SLC16A10: variants seen among roughly 807,000 people sequenced by gnomAD.
SLC16A10 encodes solute carrier family 16 member 10.
SLC16A10 carries 27 observed loss-of-function variants against 40.0 expected under a neutral mutation model. The ratio of observed to expected loss-of-function variants is 0.67; its 90% confidence interval spans 0.50 to 0.93. The LOEUF is 0.93. Ranked by LOEUF, SLC16A10 falls within the 40% of genes least tolerant of loss-of-function variation. The probability of loss-of-function intolerance (pLI) is 0.00; values close to 1 mark genes in which losing one functional copy is unlikely to be tolerated. For missense variants in SLC16A10, 529 were observed against 658.2 expected, an observed-to-expected ratio of 0.80 and a Z score of 2.15; for synonymous variants, 213 against 249.8, an observed-to-expected ratio of 0.85 and a Z score of 1.39.
intron 1 of SLC16A10, among the ~76,000 whole-genome samples, chr6:111,120,689 G>A (rs781361140): frequency 7.9e-5 from 12 of 152,180 alleles, no homozygotes; most frequent in Non-Finnish European, 1.3e-4. Context: ...CTTATACCAT[G>A]AGCCAGCAGA....
At chr6:111,211,738 C>T (rs1332676076) in intron 4 of SLC16A10, among the ~76,000 whole-genome samples, 2 of 152,230 alleles carry the variant, frequency 1.3e-5, no homozygotes, top group African/African-American at 4.8e-5. Context: ...TACCTCCTCT[C>T]TCTCCTTTTT....
At chr6:111,192,206 T>C (rs1050327644) in intron 3 of SLC16A10, among the ~76,000 whole-genome samples, 1 of 152,178 alleles carries the variant, frequency 6.6e-6, no homozygotes, top group African/African-American at 2.4e-5. Context: ...TCTTGAACAC[T>C]TTGCTGCTTA....
intron 1 of SLC16A10, among the ~76,000 whole-genome samples, chr6:111,139,737 G>C (rs533756223): frequency 6.6e-6 from 1 of 152,270 alleles, no homozygotes; most frequent in East Asian, 1.9e-4. Flanking sequence ...GAACATTCAC[G>C]TGCATGTGTC....
intron 1 of SLC16A10, among the ~76,000 whole-genome samples, chr6:111,123,904 CTTCTT>C (rs1771625813): frequency 6.6e-6 from 1 of 152,128 alleles, no homozygotes; most frequent in African/African-American, 2.4e-5. Context: ...CCTCTCCCCT[CTTCTT>C]TTCCTTTTAA....
intron 4 of SLC16A10, among the ~76,000 whole-genome samples, chr6:111,210,097 A>C (rs1383473091): frequency 6.6e-6 from 1 of 152,214 alleles, no homozygotes; most frequent in Non-Finnish European, 1.5e-5. Context: ...CCATTAATTG[A>C]CTTGAAGTAA....
intron 3 of SLC16A10, among the ~76,000 whole-genome samples, chr6:111,180,021 GATGATGTTCA>G: frequency 6.6e-6 from 1 of 152,332 alleles, no homozygotes; most frequent in African/African-American, 2.4e-5. Flanking sequence ...TAGTAAAGTA[GATGATGTTCA>G]ATTCCTACTA....
At chr6:111,216,010 G>T (rs989134471) in intron 4 of SLC16A10, among the ~76,000 whole-genome samples, 3 of 152,000 alleles carry the variant, frequency 2.0e-5, no homozygotes, top group Non-Finnish European at 4.4e-5. Flanking sequence ...TAAAAAATTG[G>T]GGTTTATCTA....
At chr6:111,106,747 C>T (rs1294457593) in intron 1 of SLC16A10, among the ~76,000 whole-genome samples, 2 of 152,194 alleles carry the variant, frequency 1.3e-5, no homozygotes, top group African/African-American at 2.4e-5. Context: ...TTGCCTTCAA[C>T]CCTTTCCTCC....
At chr6:111,112,392 T>G (rs1373198632) in intron 1 of SLC16A10, among the ~76,000 whole-genome samples, 2 of 151,784 alleles carry the variant, frequency 1.3e-5, no homozygotes, top group Non-Finnish European at 2.9e-5. Context: ...AAGGCACAAA[T>G]TGTGGTGTTA....
chr6:111,101,970 T>C (rs1463797207), intron 1 of SLC16A10, among the ~76,000 whole-genome samples: 3 of 152,220 alleles, frequency 2.0e-5, no homozygotes, highest in African/African-American at 7.2e-5. Context: ...TGTTTTTCAG[T>C]AAACGTTTTT....
At chr6:111,098,246 C>T (rs1771110816) in intron 1 of SLC16A10, among the ~76,000 whole-genome samples, 1 of 151,866 alleles carries the variant, frequency 6.6e-6, no homozygotes, top group South Asian at 2.1e-4. Context: ...TTGGAGGTTG[C>T]AATGAGCCAA....
Position 111,206,877 on chromosome 6 carries a change from G to A in SLC16A10, c.1086+142G>A, listed in dbSNP as rs529244901. The A allele has an allele frequency of 2.8e-4, 287 of 1,039,166 alleles. 1 individual carries two copies. The African/African-American group carries it at 4.4e-3, about 16-fold the overall frequency. The allele number at this position is 1,039,166 out of a possible 1,614,324, so 64.4% of individuals were successfully genotyped here. The stretch of plus-strand genomic sequence containing the variant: ...GAGTTTCGCTCTTATTGCCCAGGCT[G>A]GAGTGCAATGGCACGATCTCAGCTC... On this transcript the variant is annotated intron_variant, in intron 4 of 5. Transcript: ENST00000368851.
At chr6:111,145,050 C>G (rs1772052117) in intron 1 of SLC16A10, among the ~76,000 whole-genome samples, 1 of 150,220 alleles carries the variant, frequency 6.7e-6, no homozygotes, top group Non-Finnish European at 1.5e-5. Flanking sequence ...CCAGGCTGGT[C>G]TTGAACTCCT....
intron 2 of SLC16A10, among the ~76,000 whole-genome samples, chr6:111,173,788 A>G (rs1442142158): frequency 6.6e-6 from 1 of 152,338 alleles, no homozygotes; most frequent in East Asian, 1.9e-4. Flanking sequence ...CACTGATTCT[A>G]CATTATGATG....
rs372547360 is a variant in SLC16A10 at position 111,151,505 on chromosome 6, A to T, written c.344-21190A>T. On this transcript the variant is annotated intron_variant, in intron 1 of 5. Coordinates refer to ENST00000368851, the MANE Select transcript of SLC16A10 (RefSeq NM_018593.5). ...ATCTTGCTACTTCTGATTTCAGACA[A>T]TTGTCATTTGTCACTTGCAGCAGCC... 2.3e-4 allele frequency among the ~76,000 whole-genome samples: 35 copies of T among 152,242 alleles called. No individual in the cohort carries two copies. The South Asian group carries it at 6.4e-3, about 28-fold the overall frequency.
intron 1 of SLC16A10, among the ~76,000 whole-genome samples, chr6:111,161,222 CAAAAAA>C (rs57463212): frequency 4.7e-5 from 2 of 42,424 alleles, no homozygotes; most frequent in African/African-American, 1.0e-4. Context: ...GACAGTGTCT[CAAAAAA>C]AAAAAAAAAA....
chr6:111,095,817 T>C (rs935103908), intron 1 of SLC16A10, among the ~76,000 whole-genome samples: 6 of 152,208 alleles, frequency 3.9e-5, no homozygotes, highest in Non-Finnish European at 8.8e-5. Flanking sequence ...TCCACCATGA[T>C]TGTGAGGCCT....
At chr6:111,111,969 T>C (rs554687287) in intron 1 of SLC16A10, among the ~76,000 whole-genome samples, 1 of 152,296 alleles carries the variant, frequency 6.6e-6, no homozygotes, top group African/African-American at 2.4e-5. Context: ...AGAATATTTT[T>C]GTATGTGTGT....
intron 5 of SLC16A10, among the ~76,000 whole-genome samples, chr6:111,220,991 C>G (rs1360259545): frequency 3.3e-5 from 5 of 152,194 alleles, no homozygotes; most frequent in Admixed American, 3.3e-4. Context: ...TGTGCATTTA[C>G]AGATATTGTC....
Sources: allele counts gnomAD v4.1 joint callset (sites outside exome capture counted in the v4.1 genomes callset), GRCh38; gene constraint gnomAD v4.1.1; transcripts MANE v1.5; gene names NCBI Gene and HGNC (gene_info 2026-07-23, HGNC 2026-07-21).